The following GALNT17 variants were observed in gnomAD, a reference collection of about 807,000 sequenced individuals.
GALNT17 encodes polypeptide N-acetylgalactosaminyltransferase 17, also known as UDP-GalNAc:polypeptide N-acetylgalactosaminyltransferase-like 3.
In GALNT17, 29 loss-of-function variants were observed where a neutral mutation model predicts 63.7. The ratio of observed to expected loss-of-function variants is 0.46; its 90% CI spans 0.34 to 0.62. GALNT17 has a LOEUF of 0.62. Among genes scored for constraint, GALNT17 ranks in the 20% least tolerant of loss-of-function variants. The pLI is 0.01. For synonymous variants in GALNT17, 305 were observed against 318.3 expected (o/e 0.96, Z 0.45); for missense variants, 603 against 799.6 (o/e 0.75, Z 2.97).
chr7:71,609,267 A>C (rs1410787756), intron 6 of GALNT17, among the ~76,000 whole-genome samples: 1 of 152,204 alleles, frequency 6.6e-6, no homozygotes, highest in African/African-American at 2.4e-5. Flanking sequence ...TGGATTCAGA[A>C]TGAGTGAGCA....
intron 2 of GALNT17, among the ~76,000 whole-genome samples, chr7:71,360,533 C>G (rs925693755): frequency 2.0e-5 from 3 of 152,230 alleles, no homozygotes; most frequent in Admixed American, 6.5e-5. Flanking sequence ...TATATAATTA[C>G]AGACACAAGA....
chr7:71,290,702 T>C (rs1434416847), intron 1 of GALNT17, among the ~76,000 whole-genome samples: 2 of 152,340 alleles, frequency 1.3e-5, no homozygotes, highest in East Asian at 3.9e-4. Flanking sequence ...ATCCTTAGCT[T>C]CTGTGTCTGA....
In GALNT17 at chr7:71,544,124, CTTT is replaced by C. The variant is rs60144462; in HGVS notation, c.963-27140_963-27138del. ...CTCTTTGAGGCTTGATTTCTTTTTT[CTTT>C]TTTTTTTTTTTTTTTTTTTTGAGAT... On this transcript the variant is annotated intron_variant, in intron 5 of 10. Coordinates refer to ENST00000333538, the MANE Select transcript of GALNT17 (RefSeq NM_022479.3). 1.3e-3 allele frequency among the ~76,000 whole-genome samples: 170 copies of C among 132,380 alleles called. 1 individual carries two copies. Among genetic ancestry groups the C allele is most frequent in the Non-Finnish European group, 1.5e-3 (97 of 63,258 alleles). 86.8% of individuals were successfully genotyped at this position (132,380 alleles called of 152,430 possible). A position where few individuals can be genotyped will look rare whatever the true frequency, so the allele number is the denominator to read the frequency against.
chr7:71,662,340 G>A (rs111834842), intron 6 of GALNT17, among the ~76,000 whole-genome samples: 10 of 128,356 alleles, frequency 7.8e-5, no homozygotes, highest in South Asian at 3.2e-4. Flanking sequence ...CTATCTGTCT[G>A]TCTGTCTGTC....
chr7:71,351,981 G>A lies in GALNT17; in HGVS notation c.422+16248G>A, dbSNP rs112110559. On this transcript the variant is annotated intron_variant, in intron 2 of 10. Transcript: ENST00000333538. ...AGGATAGTGCTAGTAGGAGATGATA[G>A]TGATTCCGACTAGGGTGTGCCTAGT... Among the ~76,000 whole-genome samples, 576 of 152,260 alleles carry A rather than the reference G, an allele frequency of 3.8e-3. 6 individuals are homozygous for A. The highest frequency in any genetic ancestry group is 0.013 in the African/African-American group (544 of 41,554).
At chr7:71,183,438 A>G (rs954929756) in intron 1 of GALNT17, among the ~76,000 whole-genome samples, 46 of 152,156 alleles carry the variant, frequency 3.0e-4, no homozygotes, top group African/African-American at 1.1e-3. Flanking sequence ...TTTGAGGTCA[A>G]GGGACTTCCT....
chr7:71,679,914 T>C (rs7458967), intron 9 of GALNT17, among the ~76,000 whole-genome samples: 18,496 of 29,344 alleles, frequency 0.63, 6,243 homozygotes, highest in East Asian at 0.88. Flanking sequence ...CCCTCCCTCC[T>C]TCTCTCCCTT....
chr7:71,555,648 G>T (rs1584046870), intron 5 of GALNT17, among the ~76,000 whole-genome samples: 3 of 151,774 alleles, frequency 2.0e-5, no homozygotes, highest in Admixed American at 2.0e-4. Context: ...TCTCAACCCT[G>T]GTTGTGCTTT....
intron 1 of GALNT17, among the ~76,000 whole-genome samples, chr7:71,293,064 G>T (rs976133689): frequency 6.6e-6 from 1 of 151,866 alleles, no homozygotes; most frequent in Non-Finnish European, 1.5e-5. Flanking sequence ...CATTGTGTAT[G>T]TGTGTGTGTG....
intron 5 of GALNT17, among the ~76,000 whole-genome samples, chr7:71,501,838 C>T (rs895631440): frequency 6.6e-6 from 1 of 152,184 alleles, no homozygotes; most frequent in Admixed American, 6.5e-5. Context: ...TCTTCCATTG[C>T]ACAGAGGAAG....
Position 71,390,143 on chromosome 7 carries a change from A to G in GALNT17, c.589+1742A>G, listed in dbSNP as rs549122785. Among the ~76,000 whole-genome samples, 5 of 152,308 alleles carry G rather than the reference A, an allele frequency of 3.3e-5. No homozygotes were observed. In the South Asian group the frequency reaches 1.0e-3, roughly 32 times the overall value. On this transcript the variant is annotated intron_variant, in intron 3 of 10. Coordinates refer to ENST00000333538, the MANE Select transcript of GALNT17 (RefSeq NM_022479.3). Reference sequence around the variant, plus strand: ...AGCTTATCTTCTCAGCAACTACAGGATTAGGAGTAGGCTAAACCCCTTCCT... The same window carrying G: ...AGCTTATCTTCTCAGCAACTACAGGGTTAGGAGTAGGCTAAACCCCTTCCT...
chr7:71,386,886 C>T (rs1379190082), intron 2 of GALNT17, among the ~76,000 whole-genome samples: 2 of 152,134 alleles, frequency 1.3e-5, no homozygotes, highest in South Asian at 2.1e-4. Flanking sequence ...GGAATGTTAG[C>T]TCTGTGATAG....
chr7:71,376,436 T>G lies in GALNT17; in HGVS notation c.423-11799T>G, dbSNP rs996018619. Among the ~76,000 whole-genome samples the G allele has an allele frequency of 5.2e-5, 6 of 115,244 alleles. No homozygotes were observed. The South Asian group carries it at 1.6e-3, about 32-fold the overall frequency. 75.6% of individuals were successfully genotyped at this position (115,244 alleles called of 152,430 possible). A position where few individuals can be genotyped will look rare whatever the true frequency, so the allele number is the denominator to read the frequency against. ...TAAGGTTTGGAGTTGTTTTTTTTTT[T>G]TTTTTTTTTTTTTTTTTGCTTTAGT... is the stretch of plus-strand genomic sequence containing the variant. On this transcript the variant is annotated intron_variant, in intron 2 of 10. Transcript: ENST00000333538.
intron 6 of GALNT17, among the ~76,000 whole-genome samples, chr7:71,592,563 C>G (rs1307677046): frequency 4.9e-4 from 34 of 69,948 alleles, no homozygotes; most frequent in African/African-American, 1.4e-3. Flanking sequence ...GCATAGCATA[C>G]TAAAATAAAA....
At position 71,288,824 on chromosome 7, in the gene GALNT17, A is replaced by G. The variant is rs200726304; in HGVS notation, c.239-46726A>G. ...GAGGAGAGTTGGTTGATGCTGAGAA[A>G]TATTTTTTTGCTGGATCCATTTCTT... is the stretch of plus-strand genomic sequence containing the variant. On this transcript the variant is annotated intron_variant, in intron 1 of 10. Transcript: ENST00000333538. Among the ~76,000 whole-genome samples, 8 of 152,140 alleles carry G rather than the reference A, an allele frequency of 5.3e-5. No homozygotes were observed. The East Asian group carries it at 1.5e-3, about 29-fold the overall frequency.
At chr7:71,533,441 C>T (rs1788752378) in intron 5 of GALNT17, among the ~76,000 whole-genome samples, 1 of 152,182 alleles carries the variant, frequency 6.6e-6, no homozygotes, top group East Asian at 1.9e-4. Context: ...CGGTATCTTT[C>T]CACAGACTCT....
intron 1 of GALNT17, among the ~76,000 whole-genome samples, chr7:71,207,204 A>G (rs963626055): frequency 1.3e-5 from 2 of 151,510 alleles, no homozygotes; most frequent in African/African-American, 4.8e-5. Context: ...GAATTTTGCC[A>G]TTGATCAATT....
intron 6 of GALNT17, among the ~76,000 whole-genome samples, chr7:71,631,349 A>C (rs1339222002): frequency 6.6e-6 from 1 of 151,854 alleles, no homozygotes. Flanking sequence ...ATGCATGACC[A>C]CACCCAGCTA....
At chr7:71,166,165 T>C (rs893713230) in intron 1 of GALNT17, among the ~76,000 whole-genome samples, 1 of 152,240 alleles carries the variant, frequency 6.6e-6, no homozygotes, top group African/African-American at 2.4e-5. Flanking sequence ...GCGCTCAATG[T>C]AGAGCAGCCT....
Sources: gnomAD v4.1 joint callset for allele counts (sites outside exome capture counted in the v4.1 genomes callset) on GRCh38, gnomAD v4.1.1 for gene constraint, MANE v1.5 for transcripts, NCBI Gene and HGNC (gene_info 2026-07-23, HGNC 2026-07-21) for gene names.